KLF17: variants seen among roughly 807,000 people sequenced by gnomAD.
KLF17 encodes the protein KLF transcription factor 17, also known as Krueppel-like factor 17.
KLF17 carries 31 observed loss-of-function variants against 34.2 expected under a neutral mutation model. The ratio of observed to expected loss-of-function variants is 0.91; its 90% confidence interval spans 0.68 to 1.22. KLF17 has a LOEUF of 1.22. Among genes scored for constraint, KLF17 ranks in the 50% most tolerant of loss-of-function variants. KLF17 has a pLI of 0.00. For missense variants in KLF17, 478 were observed against 505.2 expected, an observed-to-expected ratio of 0.95 and a Z score of 0.52; for synonymous variants, 179 against 186.7, an observed-to-expected ratio of 0.96 and a Z score of 0.34.
the KLF17 span, among the ~76,000 whole-genome samples, chr1:44,112,004 C>A: frequency 6.6e-6 from 1 of 152,192 alleles, no homozygotes. Flanking sequence ...TTCCAGGATC[C>A]TACCCAGGAT....
the KLF17 span, among the ~76,000 whole-genome samples, chr1:44,053,858 G>A: frequency 6.6e-6 from 1 of 152,184 alleles, no homozygotes; most frequent in African/African-American, 2.4e-5. Flanking sequence ...AAGAATTCTA[G>A]ATACTGTCCG....
chr1:44,086,561 AG>A, the KLF17 span, among the ~76,000 whole-genome samples: 1 of 152,224 alleles, frequency 6.6e-6, no homozygotes, highest in African/African-American at 2.4e-5. Context: ...AATAAGAAAA[AG>A]CTTAGCCTTT....
chr1:44,069,470 G>A, the KLF17 span, among the ~76,000 whole-genome samples: 1 of 2,786 alleles, frequency 3.6e-4, no homozygotes, highest in Non-Finnish European at 6.4e-4. This position sits in a 1 kb window ranked among gnomAD's most constrained non-coding sequence, Gnocchi z 4.7. Context: ...GTTACATGGC[G>A]AGAGAGAGAG....
chr1:44,069,469 CGA>C, the KLF17 span, among the ~76,000 whole-genome samples: 10,621 of 126,894 alleles, frequency 0.084, 460 homozygotes, highest in African/African-American at 0.099. The surrounding 1 kb of genome is among the most constrained non-coding windows in gnomAD (Gnocchi z 4.7). Context: ...TGTTACATGG[CGA>C]GAGAGAGAGA....
chr1:44,127,636 T>TC (rs2088027749), intron 1 of KLF17, among the ~76,000 whole-genome samples: 1 of 95,126 alleles, frequency 1.1e-5, no homozygotes. Context: ...TTTCTTTTCT[T>TC]TCCTTCTTTC....
the KLF17 span, among the ~76,000 whole-genome samples, chr1:44,056,872 G>A: frequency 1.3e-5 from 2 of 151,946 alleles, no homozygotes; most frequent in Non-Finnish European, 2.9e-5. Flanking sequence ...GACACCAATG[G>A]CTAACAGGAG....
At chr1:44,059,740 T>C in the KLF17 span, among the ~76,000 whole-genome samples, 5,594 of 151,878 alleles carry the variant, frequency 0.037, 367 homozygotes, top group African/African-American at 0.13. Flanking sequence ...ATCTTTTGCA[T>C]CCACTGTTGT....
At chr1:44,082,771 G>C in the KLF17 span, among the ~76,000 whole-genome samples, 1 of 151,964 alleles carries the variant, frequency 6.6e-6, no homozygotes. Context: ...TTATTACCTT[G>C]GTAAGGCAAG....
the KLF17 span, chr1:44,103,832 A>G: frequency 1.3e-6 from 1 of 799,406 alleles, no homozygotes; most frequent in South Asian, 1.3e-5. Flanking sequence ...CCTGGAGCCC[A>G]CTGATGTTCC....
At chr1:44,050,284 G>A in the KLF17 span, among the ~76,000 whole-genome samples, 3 of 152,300 alleles carry the variant, frequency 2.0e-5, no homozygotes, top group Middle Eastern at 0.01. Context: ...GTAGGAGGCA[G>A]GACTTGGACT....
At chr1:44,054,478 C>CTTT in the KLF17 span, among the ~76,000 whole-genome samples, 939 of 100,166 alleles carry the variant, frequency 9.4e-3, 35 homozygotes, top group Middle Eastern at 0.012. Context: ...ATCAGTGTGC[C>CTTT]TTTTTTTTTT....
the KLF17 span, among the ~76,000 whole-genome samples, chr1:44,052,772 G>C: frequency 1.3e-5 from 2 of 152,178 alleles, no homozygotes; most frequent in African/African-American, 4.8e-5. Flanking sequence ...AGGACTTGAC[G>C]TGAGGGTGTC....
At chr1:44,113,789 G>GC in the KLF17 span, 1 of 152,218 alleles carries the variant, frequency 6.6e-6, no homozygotes, top group African/African-American at 2.4e-5. Context: ...AATGCCTGGT[G>GC]CTTGCTAATA....
the KLF17 span, chr1:44,076,264 C>T: frequency 6.6e-6 from 1 of 152,206 alleles, no homozygotes; most frequent in Non-Finnish European, 1.5e-5. Context: ...GATAAATCTC[C>T]CTCCCTTCTC....
chr1:44,101,468 G>C, the KLF17 span: 1 of 152,156 alleles, frequency 6.6e-6, no homozygotes, highest in Non-Finnish European at 1.5e-5. Context: ...ACATTTTGAA[G>C]AGTACAGTCA....
chr1:44,128,413 CTCTT>C (rs2088053873), intron 1 of KLF17, among the ~76,000 whole-genome samples: 1 of 152,200 alleles, frequency 6.6e-6, no homozygotes, highest in South Asian at 2.1e-4. Context: ...TACCACCAAT[CTCTT>C]TCTTACCCTT....
the KLF17 span, among the ~76,000 whole-genome samples, chr1:44,055,879 G>C: frequency 6.6e-6 from 1 of 152,158 alleles, no homozygotes; most frequent in Non-Finnish European, 1.5e-5. Context: ...ATATAGATTT[G>C]TTCAGGATCA....
the KLF17 span, among the ~76,000 whole-genome samples, chr1:44,060,724 C>T: frequency 6.6e-6 from 1 of 152,158 alleles, no homozygotes; most frequent in South Asian, 2.1e-4. Flanking sequence ...GAACTTGACT[C>T]AAACCCTAGA....
the KLF17 span, chr1:44,103,361 G>GT: frequency 1.3e-6 from 1 of 749,436 alleles, no homozygotes; most frequent in Admixed American, 1.8e-5. Context: ...CCGGCTTCCC[G>GT]TTGCAGGTCT....
Sources: allele counts gnomAD v4.1 joint callset (sites outside exome capture counted in the v4.1 genomes callset), GRCh38; gene constraint gnomAD v4.1.1; non-coding constraint Gnocchi (gnomAD v3.1); transcripts MANE v1.5; gene names NCBI Gene and HGNC (gene_info 2026-07-23, HGNC 2026-07-21).